The following U2AF2 variants were observed in gnomAD, a reference collection of about 807,000 sequenced individuals.
U2AF2 encodes the protein splicing factor U2AF 65 kDa subunit.
U2AF2 carries 6 observed loss-of-function variants against 52.6 expected under a neutral mutation model. The observed-to-expected ratio is 0.11, with a 90% CI of 0.06 to 0.23. U2AF2 has a LOEUF of 0.23. Among genes scored for constraint, U2AF2 ranks in the 10% least tolerant of loss-of-function variants. The probability of loss-of-function intolerance (pLI) is 1.00; values close to 1 mark genes in which losing one functional copy is unlikely to be tolerated. For synonymous variants in U2AF2, 284 were observed against 258.2 expected, an observed-to-expected ratio of 1.10 and a Z score of -0.96; for missense variants, 222 against 677.1, an observed-to-expected ratio of 0.33 and a Z score of 7.46.
chr19:55,656,561 TG>T (rs1319834550), intron 1 of U2AF2, among the ~76,000 whole-genome samples: 8 of 152,248 alleles, frequency 5.3e-5, no homozygotes, highest in Non-Finnish European at 1.2e-4. Context: ...TTAAAAAGGA[TG>T]ATAGTAACGA....
intron 7 of U2AF2, among the ~76,000 whole-genome samples, chr19:55,666,161 C>G (rs945883061): frequency 6.6e-6 from 1 of 152,204 alleles, no homozygotes. Context: ...GTGATAGTGG[C>G]TGCCGAGCTC....
intron 2 of U2AF2, among the ~76,000 whole-genome samples, chr19:55,659,558 T>C (rs1984025880): frequency 6.6e-6 from 1 of 150,710 alleles, no homozygotes; most frequent in Non-Finnish European, 1.5e-5. Flanking sequence ...TTTTCTGTCT[T>C]GGTGGTTGCT....
chr19:55,670,435 G>A (rs368590520), intron 11 of U2AF2, among the ~76,000 whole-genome samples: 65 of 14,164 alleles, frequency 4.6e-3, no homozygotes, highest in Non-Finnish European at 0.01. Context: ...CCTGCTGTCC[G>A]TGCACCCTGC....
intron 1 of U2AF2, among the ~76,000 whole-genome samples, chr19:55,657,793 CAG>C (rs1379938452): frequency 1.5e-4 from 23 of 152,152 alleles, no homozygotes; most frequent in Admixed American, 1.5e-3. Flanking sequence ...TCACTGATGT[CAG>C]AGTGTTTAAA....
rs919059262 is a variant in U2AF2, at chr19:55,662,505, G to A, written c.490G>A (p.Ala164Thr). Residue 164 changes from alanine to threonine, a missense_variant, in exon 6 of 12, where the codon GCC becomes ACC. Physicochemically the swap from Ala to Thr is moderately conservative, Grantham distance 58. Coordinates refer to ENST00000308924, the MANE Select transcript of U2AF2 (RefSeq NM_007279.3). ...TTGTCTCCTATTCCCTCTGCAGGAG[G>A]CCATGATGGATTTCTTCAACGCCCA... Reference protein sequence around the residue: ...GNIPFGITEEAMMDFFNAQMR... With the variant: ...GNIPFGITEETMMDFFNAQMR... 1 of 1,601,960 alleles carries A rather than the reference G, an allele frequency of 6.2e-7. No individual in the cohort carries two copies. The highest frequency in any genetic ancestry group is 8.5e-7 in the Non-Finnish European group (1 of 1,173,526).
chr19:55,669,355 C>G, intron 10 of U2AF2, 89 bp from the exon 11 acceptor site: 1 of 1,543,792 alleles, frequency 6.5e-7, no homozygotes, highest in Non-Finnish European at 8.7e-7. Context: ...GGCCTTTCCC[C>G]TGGGGGGGCA....
chr19:55,658,498 C>T (rs900933269), intron 1 of U2AF2, among the ~76,000 whole-genome samples: 1 of 152,160 alleles, frequency 6.6e-6, no homozygotes, highest in African/African-American at 2.4e-5. Context: ...CCTTTACAGT[C>T]TCTTCAGTAC....
chr19:55,669,011 G>GT, intron 9 of U2AF2, 72 bp from the exon 10 acceptor site: 1 of 1,550,898 alleles, frequency 6.4e-7, no homozygotes, highest in Non-Finnish European at 8.8e-7. Context: ...CGGCTTGGGG[G>GT]TAGGTGTCGG....
chr19:55,669,461 G>A lies in U2AF2; in HGVS notation c.1062G>A (p.Thr354=), dbSNP rs754855658. 8.7e-6 allele frequency: 14 copies of A among 1,609,312 alleles called. No homozygotes were observed. The highest frequency in any genetic ancestry group is 2.2e-5 in the East Asian group (1 of 44,842). The change falls in exon 11 of 12, where the codon ACG becomes ACA. Residue 354 remains threonine, a synonymous_variant. Coordinates refer to ENST00000308924, the MANE Select transcript of U2AF2 (RefSeq NM_007279.3). The stretch of plus-strand genomic sequence containing the variant: ...CCCCACAGAGCACCATCAATCAGAC[G>A]CCTGTGACCCTGCAAGTGCCGGGCT... ...LVSPPSTINQ[T]PVTLQVPGLM...
At chr19:55,670,453 T>C (rs1984829375) in intron 11 of U2AF2, among the ~76,000 whole-genome samples, 2 of 13,974 alleles carry the variant, frequency 1.4e-4, no homozygotes. Flanking sequence ...TGCTGTCCCG[T>C]GCACCCTGCT....
At chr19:55,670,111 C>T (rs1045881377) in intron 11 of U2AF2, among the ~76,000 whole-genome samples, 2 of 152,104 alleles carry the variant, frequency 1.3e-5, no homozygotes, top group Non-Finnish European at 1.5e-5. Context: ...GCCAGGCACC[C>T]TGCCGAAGCT....
chr19:55,664,598 G>C (rs1984424007), intron 7 of U2AF2, among the ~76,000 whole-genome samples: 1 of 152,192 alleles, frequency 6.6e-6, no homozygotes, highest in Non-Finnish European at 1.5e-5. Context: ...CACTGTTCGA[G>C]GAGCCCTTTA....
chr19:55,657,658 C>T (rs1415507979), intron 1 of U2AF2, among the ~76,000 whole-genome samples: 9 of 152,190 alleles, frequency 5.9e-5, no homozygotes, highest in Non-Finnish European at 2.9e-5. Flanking sequence ...TTGTTCCTCC[C>T]AATTTCAGTT....
Position 55,663,598 on chromosome 19 carries a change from T to C in U2AF2, c.604-8T>C. On this transcript the variant is annotated splice_polypyrimidine_tract_variant and splice_region_variant and intron_variant, in intron 6 of 11. Coordinates refer to ENST00000308924, the MANE Select transcript of U2AF2 (RefSeq NM_007279.3). Reference sequence around the variant, plus strand: ...CCATCCCTCACCACTCCTTTCTCTTTCATTCAGTTCCGCTCAGTGGACGAG... The same window carrying C: ...CCATCCCTCACCACTCCTTTCTCTTCCATTCAGTTCCGCTCAGTGGACGAG... The C allele has an allele frequency of 6.2e-7, 1 of 1,613,270 alleles. No individual in the cohort carries two copies. The highest frequency in any genetic ancestry group is 8.5e-7 in the Non-Finnish European group (1 of 1,179,360).
rs1228022831 is a variant in U2AF2, at chr19:55,673,926, C to T, written c.1294-8C>T. 5.0e-6 allele frequency: 8 copies of T among 1,607,334 alleles called. No individual in the cohort carries two copies. The highest frequency in any genetic ancestry group is 6.8e-6 in the Non-Finnish European group (8 of 1,176,284). On this transcript the variant is annotated splice_polypyrimidine_tract_variant and splice_region_variant and intron_variant, in intron 11 of 11. Transcript: ENST00000308924. ...TTGTTCACAAACCTGCCTCTCCTTT[C>T]CCCACAGATCTTTGTGGAGTTCACC...
intron 3 of U2AF2, 140 bp from the exon 4 acceptor site, chr19:55,660,376 C>T: frequency 9.1e-7 from 1 of 1,094,028 alleles, no homozygotes; most frequent in Non-Finnish European, 1.3e-6. Flanking sequence ...GGCCCTGCCC[C>T]AGACCCTCTC....
intron 4 of U2AF2, 150 bp downstream of exon 4, chr19:55,660,769 A>T: frequency 1.1e-6 from 1 of 884,736 alleles, no homozygotes; most frequent in Non-Finnish European, 1.7e-6. Flanking sequence ...TGCGCTTTTG[A>T]AGCCTCCCTA....
chr19:55,655,437 A>T (rs142287799), intron 1 of U2AF2, among the ~76,000 whole-genome samples: 1 of 152,314 alleles, frequency 6.6e-6, no homozygotes, highest in East Asian at 1.9e-4. Flanking sequence ...ACGCGGCACG[A>T]GCGCGCCAGA....
chr19:55,655,191 GCTC>G (rs747950463), intron 1 of U2AF2, 38 bp downstream of exon 1: 3 of 1,586,658 alleles, frequency 1.9e-6, no homozygotes, highest in Non-Finnish European at 2.6e-6. Context: ...GGTGTGGGCG[GCTC>G]CTCGCGTCGC....
Sources: gnomAD v4.1 joint callset for allele counts (sites outside exome capture counted in the v4.1 genomes callset) on GRCh38, gnomAD v4.1.1 for gene constraint, MANE v1.5 for transcripts, NCBI Gene and HGNC (gene_info 2026-07-23, HGNC 2026-07-21) for gene names.